ATAD1: variants seen among roughly 807,000 people sequenced by gnomAD.
ATAD1 encodes ATPase family AAA domain containing 1.
ATAD1 carries 18 observed loss-of-function variants against 42.7 expected under a neutral mutation model. The observed-to-expected ratio is 0.42, with a 90% CI of 0.29 to 0.63. The LOEUF is 0.63. Among genes scored for constraint, ATAD1 ranks in the 20% least tolerant of loss-of-function variants. The pLI, the probability that ATAD1 is intolerant of heterozygous loss-of-function variation, is 0.19. For synonymous variants in ATAD1, 132 were observed against 143.1 expected (o/e 0.92, Z 0.55); for missense variants, 294 against 440.4 (o/e 0.67, Z 2.98).
At chr10:87,837,323 C>T (rs1486438877) in intron 1 of ATAD1, among the ~76,000 whole-genome samples, 2 of 152,186 alleles carry the variant, frequency 1.3e-5, no homozygotes, top group Non-Finnish European at 2.9e-5. Context: ...TGGTTCAAGT[C>T]AAAAGTTCCA....
At chr10:87,792,801 T>C (rs776462080) in intron 2 of ATAD1, 46 bp from the exon 3 acceptor site, 2 of 1,376,112 alleles carry the variant, frequency 1.5e-6, no homozygotes, top group African/African-American at 1.4e-5. Flanking sequence ...GATATTTAGA[T>C]ACTGGCACTT....
intron 2 of ATAD1, among the ~76,000 whole-genome samples, chr10:87,800,449 T>C (rs1856636217): frequency 1.3e-5 from 2 of 152,154 alleles, no homozygotes; most frequent in South Asian, 4.1e-4. Flanking sequence ...AATGTTTTCA[T>C]GAATATCCAA....
intron 8 of ATAD1, among the ~76,000 whole-genome samples, chr10:87,762,687 C>T (rs972519000): frequency 4.0e-5 from 6 of 150,650 alleles, no homozygotes; most frequent in African/African-American, 7.3e-5. Flanking sequence ...AGGCTGGTTT[C>T]GAACTCCTGA....
intron 5 of ATAD1, among the ~76,000 whole-genome samples, chr10:87,780,034 C>T (rs1408882215): frequency 6.6e-6 from 1 of 152,144 alleles, no homozygotes; most frequent in East Asian, 1.9e-4. Context: ...ATGCTGTCAG[C>T]AGCATTACTC....
At position 87,753,837 on chromosome 10, in the gene ATAD1, T is replaced by C. The variant is rs902963588; in HGVS notation, c.*850A>G. 6.6e-6 allele frequency: 1 copy of C among 152,620 alleles called. No homozygotes were observed. The highest frequency in any genetic ancestry group is 6.5e-5 in the Admixed American group (1 of 15,276). 9.5% of individuals were successfully genotyped at this position (152,620 alleles called of 1,614,324 possible). A position where few individuals can be genotyped will look rare whatever the true frequency, so the allele number is the denominator to read the frequency against. On this transcript the variant is annotated 3_prime_UTR_variant, in exon 10 of 10. Coordinates refer to ENST00000680024, the MANE Select transcript of ATAD1 (RefSeq NM_001321967.2). ...AATGAAAAAAGGAAAGAAATGTACA[T>C]GTATTAAAGGGTACTGAGGTTTTTC...
chr10:87,758,216 G>C (rs1854314270), intron 8 of ATAD1, among the ~76,000 whole-genome samples: 1 of 151,982 alleles, frequency 6.6e-6, no homozygotes, highest in Non-Finnish European at 1.5e-5. Context: ...GCATTAAAAA[G>C]AGGGTACAGA....
intron 8 of ATAD1, among the ~76,000 whole-genome samples, chr10:87,760,888 T>A (rs751443533): frequency 6.6e-5 from 10 of 152,262 alleles, no homozygotes; most frequent in Non-Finnish European, 1.0e-4. Context: ...TTATCAGTGC[T>A]AATTCTTTTT....
intron 6 of ATAD1, among the ~76,000 whole-genome samples, chr10:87,773,231 A>C (rs972831047): frequency 2.6e-5 from 4 of 152,192 alleles, no homozygotes; most frequent in Admixed American, 6.5e-5. Flanking sequence ...AATCAGACCT[A>C]AATTTACATC....
chr10:87,764,541 C>G (rs969052123), intron 8 of ATAD1, among the ~76,000 whole-genome samples: 1 of 152,116 alleles, frequency 6.6e-6, no homozygotes, highest in Non-Finnish European at 1.5e-5. Flanking sequence ...TGGATTCATA[C>G]TGCATATCAT....
chr10:87,838,755 T>C (rs1483237133), intron 1 of ATAD1, among the ~76,000 whole-genome samples: 1 of 151,194 alleles, frequency 6.6e-6, no homozygotes, highest in African/African-American at 2.5e-5. Flanking sequence ...TCTCTCTCTC[T>C]CTCTCCTTTT....
At chr10:87,797,299 T>G (rs1218110593) in intron 2 of ATAD1, among the ~76,000 whole-genome samples, 1 of 151,388 alleles carries the variant, frequency 6.6e-6, no homozygotes, top group Non-Finnish European at 1.5e-5. Context: ...TTGGCTAAAA[T>G]TCCTCGCAGC....
At chr10:87,812,423 G>C (rs776281281) in intron 2 of ATAD1, among the ~76,000 whole-genome samples, 2 of 151,972 alleles carry the variant, frequency 1.3e-5, no homozygotes, top group Non-Finnish European at 2.9e-5. Context: ...CACTACGTCC[G>C]GCTAATGTTT....
At chr10:87,818,259 C>T (rs1302962831), upstream of ATAD1, 2 of 985,260 alleles carry the variant, frequency 2.0e-6, no homozygotes, top group African/African-American at 1.7e-5. Context: ...GCGGGAGGCG[C>T]GGCGCACTCC....
chr10:87,802,082 T>C (rs909668305), intron 2 of ATAD1, among the ~76,000 whole-genome samples: 1 of 152,230 alleles, frequency 6.6e-6, no homozygotes, highest in Non-Finnish European at 1.5e-5. Flanking sequence ...TCTCTAGAAT[T>C]TGGAAACTAT....
chr10:87,788,103 G>A (rs1855923165), intron 4 of ATAD1, among the ~76,000 whole-genome samples: 1 of 152,148 alleles, frequency 6.6e-6, no homozygotes. Context: ...CCATTTCCCT[G>A]TCACCAATTA....
At chr10:87,807,903 T>C (rs2132033546) in intron 2 of ATAD1, among the ~76,000 whole-genome samples, 1 of 152,280 alleles carries the variant, frequency 6.6e-6, no homozygotes, top group South Asian at 2.1e-4. Flanking sequence ...CAGGAAAAAA[T>C]ACAACAAAAC....
intron 5 of ATAD1, among the ~76,000 whole-genome samples, chr10:87,780,677 T>C (rs953021344): frequency 6.6e-5 from 10 of 152,332 alleles, no homozygotes; most frequent in South Asian, 4.1e-4. Context: ...AAAGTGGAAC[T>C]GAACATAAGA....
rs1854081425 is a variant in ATAD1 at position 87,753,123 on chromosome 10, G to A, written c.*1564C>T. ...TTAAGTGGAGAACAACCAATAAAGAGGGACCCCTTTATTACACATTTATAA... is the reference window on the plus strand; with the variant it reads ...TTAAGTGGAGAACAACCAATAAAGAAGGACCCCTTTATTACACATTTATAA... On this transcript the variant is annotated 3_prime_UTR_variant, in exon 10 of 10. Coordinates refer to ENST00000680024, the MANE Select transcript of ATAD1 (RefSeq NM_001321967.2). The A allele has an allele frequency of 1.3e-5, 2 of 151,974 alleles. No individual in the cohort carries two copies. Among genetic ancestry groups the A allele is most frequent in the African/African-American group, 4.8e-5 (2 of 41,390 alleles). 9.4% of individuals were successfully genotyped at this position (151,974 alleles called of 1,614,324 possible). A position where few individuals can be genotyped will look rare whatever the true frequency, so the allele number is the denominator to read the frequency against.
chr10:87,777,236 G>A (rs1855346286), intron 5 of ATAD1, among the ~76,000 whole-genome samples: 1 of 151,500 alleles, frequency 6.6e-6, no homozygotes, highest in Admixed American at 6.6e-5. Flanking sequence ...TGTGCTCTTA[G>A]TTATGTTGCA....
Sources: gnomAD v4.1 joint callset for allele counts (sites outside exome capture counted in the v4.1 genomes callset) on GRCh38, gnomAD v4.1.1 for gene constraint, MANE v1.5 for transcripts, NCBI Gene and HGNC (gene_info 2026-07-23, HGNC 2026-07-21) for gene names.